The following EDIL3 variants were observed in gnomAD, a reference collection of about 807,000 sequenced individuals.
EDIL3 encodes the protein EGF like and discoidin domains 3, also known as EGF-like repeat and discoidin I-like domain-containing protein 3.
EDIL3 carries 37 observed loss-of-function variants against 67.4 expected under a neutral mutation model. The observed-to-expected ratio is 0.55, with a 90% CI of 0.42 to 0.72. EDIL3 has a LOEUF of 0.72. Ranked by LOEUF, EDIL3 falls within the 30% of genes least tolerant of loss-of-function variation. The probability of loss-of-function intolerance (pLI) is 0.00; values close to 1 mark genes in which losing one functional copy is unlikely to be tolerated. For synonymous variants in EDIL3, 195 were observed against 196.3 expected, an observed-to-expected ratio of 0.99 and a Z score of 0.05; for missense variants, 527 against 586.3, an observed-to-expected ratio of 0.90 and a Z score of 1.04.
intron 9 of EDIL3, among the ~76,000 whole-genome samples, chr5:84,044,445 T>C (rs1390382429): frequency 6.6e-6 from 1 of 152,190 alleles, no homozygotes; most frequent in East Asian, 1.9e-4. Context: ...GGATACATCT[T>C]GGAAAATGCT....
intron 9 of EDIL3, among the ~76,000 whole-genome samples, chr5:83,969,201 G>A (rs143648529): frequency 0.01 from 1,571 of 151,614 alleles, 31 homozygotes; most frequent in African/African-American, 0.036. Flanking sequence ...TACCTAGTAT[G>A]TCATTTTAAG....
At chr5:84,141,928 T>TATATGC (rs1748199989) in intron 4 of EDIL3, among the ~76,000 whole-genome samples, 1 of 121,308 alleles carries the variant, frequency 8.2e-6, no homozygotes, top group Non-Finnish European at 1.6e-5. Flanking sequence ...TATATACACA[T>TATATGC]ATATATATAT....
intron 1 of EDIL3, among the ~76,000 whole-genome samples, chr5:84,352,223 T>G (rs1363499444): frequency 6.6e-6 from 1 of 152,172 alleles, no homozygotes. Context: ...GAAGACACTA[T>G]GGAGATTTCT....
chr5:84,292,081 CTTAAAG>C (rs1446936511), intron 1 of EDIL3, among the ~76,000 whole-genome samples: 3 of 151,838 alleles, frequency 2.0e-5, no homozygotes, highest in African/African-American at 4.8e-5. Context: ...TTTTATTTAA[CTTAAAG>C]TTAAATAAAA....
At chr5:84,203,045 C>G (rs1251827156) in intron 3 of EDIL3, among the ~76,000 whole-genome samples, 3 of 152,054 alleles carry the variant, frequency 2.0e-5, no homozygotes, top group African/African-American at 7.2e-5. Flanking sequence ...GGAACAGACA[C>G]TTTTACAACC....
chr5:84,365,676 G>T (rs1747714129), intron 1 of EDIL3, among the ~76,000 whole-genome samples: 1 of 152,058 alleles, frequency 6.6e-6, no homozygotes, highest in Non-Finnish European at 1.5e-5. Flanking sequence ...TCAATTCTAG[G>T]ATTGCTAACC....
At chr5:84,001,194 C>T (rs1745324037) in intron 9 of EDIL3, among the ~76,000 whole-genome samples, 1 of 151,948 alleles carries the variant, frequency 6.6e-6, no homozygotes, top group African/African-American at 2.4e-5. Context: ...TTACAGGTGC[C>T]TGCCACCACA....
At chr5:84,192,696 C>A (rs546336083) in intron 3 of EDIL3, among the ~76,000 whole-genome samples, 3 of 151,990 alleles carry the variant, frequency 2.0e-5, no homozygotes, top group South Asian at 4.2e-4. Flanking sequence ...GTGCTAAGTA[C>A]CAGGGTTACA....
At chr5:84,357,887 C>CAAAA (rs140686250) in intron 1 of EDIL3, among the ~76,000 whole-genome samples, 4 of 79,232 alleles carry the variant, frequency 5.0e-5, no homozygotes, top group African/African-American at 5.0e-5. Flanking sequence ...GACTCAGTCT[C>CAAAA]AAAAAAAAAA....
intron 2 of EDIL3, among the ~76,000 whole-genome samples, chr5:84,240,520 C>T (rs1234084770): frequency 2.0e-5 from 3 of 152,084 alleles, no homozygotes; most frequent in African/African-American, 2.4e-5. Flanking sequence ...GCCTGAGCCC[C>T]GCCTCCTCTC....
intron 1 of EDIL3, among the ~76,000 whole-genome samples, chr5:84,311,879 G>A (rs1314674465): frequency 2.0e-5 from 3 of 152,244 alleles, no homozygotes; most frequent in Admixed American, 6.5e-5. Context: ...GTTGGGGGTA[G>A]GGTCACCCAT....
Position 83,994,484 on chromosome 5 carries a change from T to C in EDIL3, c.1138-31124A>G, listed in dbSNP as rs540163311. On this transcript the variant is annotated intron_variant, in intron 9 of 10. Transcript: ENST00000296591. ...CTTTTTCAAAAATCTATTTTTTCTC[T>C]AAACTCAGGCAACAAAAATAAGTTG... Among the ~76,000 whole-genome samples, 9 of 152,230 alleles carry C rather than the reference T, an allele frequency of 5.9e-5. No homozygotes were observed. The South Asian group carries it at 1.9e-3, about 32-fold the overall frequency.
intron 4 of EDIL3, among the ~76,000 whole-genome samples, chr5:84,139,775 A>T (rs2112318672): frequency 6.6e-6 from 1 of 152,310 alleles, no homozygotes; most frequent in East Asian, 1.9e-4. Flanking sequence ...AGCAAAAGAT[A>T]ATTTGATCTT....
At chr5:84,095,646 G>A (rs973699166) in intron 6 of EDIL3, among the ~76,000 whole-genome samples, 1 of 152,210 alleles carries the variant, frequency 6.6e-6, no homozygotes, top group Non-Finnish European at 1.5e-5. Flanking sequence ...GCTGTATTGG[G>A]TGCTGTTAAA....
At chr5:84,223,804 G>A (rs898413045) in intron 3 of EDIL3, among the ~76,000 whole-genome samples, 1 of 151,272 alleles carries the variant, frequency 6.6e-6, no homozygotes, top group South Asian at 2.1e-4. Context: ...AATATGAGGT[G>A]ATGGATATGT....
chr5:84,217,760 ACAC>A (rs1169071786), intron 3 of EDIL3, among the ~76,000 whole-genome samples: 1 of 150,362 alleles, frequency 6.7e-6, no homozygotes, highest in East Asian at 1.9e-4. Context: ...ACACACACAC[ACAC>A]ATCCTTCTGG....
At chr5:84,127,434 T>C (rs935962618) in intron 5 of EDIL3, among the ~76,000 whole-genome samples, 1 of 152,134 alleles carries the variant, frequency 6.6e-6, no homozygotes, top group Non-Finnish European at 1.5e-5. Context: ...TTTAGTCACC[T>C]TAATGGTTCT....
At chr5:84,167,113 AT>A (rs938863162) in intron 4 of EDIL3, among the ~76,000 whole-genome samples, 1 of 152,010 alleles carries the variant, frequency 6.6e-6, no homozygotes, top group African/African-American at 2.4e-5. Context: ...ATCGGTCTGG[AT>A]TTTTTTTGAG....
At chr5:84,379,199 G>A (rs921206377) in intron 1 of EDIL3, among the ~76,000 whole-genome samples, 6 of 152,078 alleles carry the variant, frequency 3.9e-5, no homozygotes, top group Non-Finnish European at 8.8e-5. Flanking sequence ...TAGTTTTGAG[G>A]GCTACATCAG....
Sources: gnomAD v4.1 joint callset for allele counts (sites outside exome capture counted in the v4.1 genomes callset) on GRCh38, gnomAD v4.1.1 for gene constraint, MANE v1.5 for transcripts, NCBI Gene and HGNC (gene_info 2026-07-23, HGNC 2026-07-21) for gene names.